STK39: variants seen among roughly 807,000 people sequenced by gnomAD.
STK39 encodes the protein serine/threonine kinase 39.
A neutral mutation model predicts 77.8 loss-of-function variants in STK39; 20 were observed. That is an observed-to-expected ratio of 0.26 (90% CI 0.18 to 0.37). STK39 has a LOEUF of 0.37. Ranked by LOEUF, STK39 falls within the 10% of genes least tolerant of loss-of-function variation. The probability of loss-of-function intolerance (pLI) is 1.00; values close to 1 mark genes in which losing one functional copy is unlikely to be tolerated. For missense variants in STK39, 479 were observed against 656.5 expected, an observed-to-expected ratio of 0.73 and a Z score of 2.95; for synonymous variants, 246 against 234.1, an observed-to-expected ratio of 1.05 and a Z score of -0.47.
Position 168,012,401 on chromosome 2 carries a change from G to A in STK39, c.1498+233C>T, listed in dbSNP as rs554243688. 3.3e-5 allele frequency among the ~76,000 whole-genome samples: 5 copies of A among 152,204 alleles called. No homozygotes were observed. In the East Asian group the frequency reaches 7.7e-4, roughly 24 times the overall value. ...TAGGCCATGCTGGCCTCTAACTCCTGACCTCAGGTGGTCCACCCACCTTGG... is the reference window on the plus strand; with the variant it reads ...TAGGCCATGCTGGCCTCTAACTCCTAACCTCAGGTGGTCCACCCACCTTGG... On this transcript the variant is annotated intron_variant, in intron 16 of 17. Coordinates refer to ENST00000355999, the MANE Select transcript of STK39 (RefSeq NM_013233.3).
intron 5 of STK39, among the ~76,000 whole-genome samples, chr2:168,161,032 G>T (rs13424012): frequency 0.28 from 42,242 of 151,778 alleles, 6,794 homozygotes; most frequent in East Asian, 0.56. Context: ...CTCATCTTAC[G>T]CGTCTCTGCA....
intron 10 of STK39, among the ~76,000 whole-genome samples, chr2:168,085,339 C>T (rs1042737206): frequency 4.6e-5 from 7 of 152,214 alleles, no homozygotes; most frequent in South Asian, 2.1e-4. Flanking sequence ...TGGCCACCCA[C>T]GCCTGGCTAG....
chr2:168,162,023 C>T (rs1483628996), intron 4 of STK39, among the ~76,000 whole-genome samples, 181 bp from the exon 5 acceptor site: 3 of 152,134 alleles, frequency 2.0e-5, no homozygotes, highest in South Asian at 2.1e-4. Context: ...CAGTGGCTCA[C>T]GCCTGTAATC....
intron 14 of STK39, among the ~76,000 whole-genome samples, chr2:168,021,778 A>C (rs1000613649): frequency 2.0e-5 from 2 of 98,934 alleles, no homozygotes; most frequent in Non-Finnish European, 4.0e-5. Context: ...AGAACTCAGA[A>C]AGGACATTTA....
intron 10 of STK39, among the ~76,000 whole-genome samples, chr2:168,122,112 G>A (rs1687423142): frequency 6.6e-6 from 1 of 152,158 alleles, no homozygotes; most frequent in Admixed American, 6.5e-5. Context: ...GCGGTTTGGT[G>A]TACAGATTAT....
intron 16 of STK39, among the ~76,000 whole-genome samples, chr2:168,009,706 A>G (rs1684221237): frequency 6.6e-6 from 1 of 152,210 alleles, no homozygotes; most frequent in African/African-American, 2.4e-5. Flanking sequence ...AGGCATTTTT[A>G]AGTGCTACTA....
rs547634690 is a variant in STK39 at position 167,980,701 on chromosome 2, T to C, written c.1499-15975A>G. Reference sequence around the variant, plus strand: ...GAGAGCTAAGCCTTTGTTTATGTTATGCGGCACTGCTCTGGGGAAGGACAT... The same window carrying C: ...GAGAGCTAAGCCTTTGTTTATGTTACGCGGCACTGCTCTGGGGAAGGACAT... On this transcript the variant is annotated intron_variant, in intron 16 of 17. Coordinates refer to ENST00000355999, the MANE Select transcript of STK39 (RefSeq NM_013233.3). 2.6e-5 allele frequency among the ~76,000 whole-genome samples: 4 copies of C among 151,268 alleles called. No individual in the cohort carries two copies. The South Asian group carries it at 8.4e-4, about 32-fold the overall frequency.
At chr2:168,026,482 T>C (rs545486686) in intron 14 of STK39, among the ~76,000 whole-genome samples, 6 of 152,330 alleles carry the variant, frequency 3.9e-5, no homozygotes, top group Admixed American at 6.5e-5. Context: ...GCTGGTTAAT[T>C]CATGCCATTC....
At chr2:167,969,654 C>T (rs545237678) in intron 16 of STK39, among the ~76,000 whole-genome samples, 11 of 152,276 alleles carry the variant, frequency 7.2e-5, no homozygotes, top group African/African-American at 2.2e-4. Flanking sequence ...TATCCACATA[C>T]GCAGAAACGA....
chr2:168,173,548 T>TATTTATATTTATTTATTC (rs1688880536), intron 2 of STK39, among the ~76,000 whole-genome samples: 1 of 119,084 alleles, frequency 8.4e-6, no homozygotes. Flanking sequence ...TTTTTTTATT[T>TATTTATATTTATTTATTC]ATATTTATAT....
chr2:168,160,243 A>G (rs1277327831), intron 5 of STK39, among the ~76,000 whole-genome samples: 2 of 152,248 alleles, frequency 1.3e-5, no homozygotes, highest in Admixed American at 1.3e-4. Flanking sequence ...ATTTCATCAT[A>G]AAACAGAAAA....
intron 10 of STK39, among the ~76,000 whole-genome samples, chr2:168,076,924 A>T (rs977939167): frequency 1.3e-5 from 2 of 152,194 alleles, no homozygotes; most frequent in Non-Finnish European, 2.9e-5. Flanking sequence ...TGCAGAACAG[A>T]TTGCTCATTT....
chr2:168,178,637 A>T (rs1467089227), intron 2 of STK39, among the ~76,000 whole-genome samples: 2 of 152,204 alleles, frequency 1.3e-5, no homozygotes, highest in African/African-American at 2.4e-5. Context: ...ATATTACAGT[A>T]CTCATTTCAA....
chr2:168,214,261 A>C (rs1480640006), intron 1 of STK39, among the ~76,000 whole-genome samples: 6 of 151,630 alleles, frequency 4.0e-5, no homozygotes, highest in African/African-American at 1.5e-4. Flanking sequence ...AACAACAAAA[A>C]AAAAACACAA....
chr2:168,170,068 T>C (rs1488231545), intron 2 of STK39, among the ~76,000 whole-genome samples: 1 of 152,194 alleles, frequency 6.6e-6, no homozygotes, highest in South Asian at 2.1e-4. Context: ...TGTAGCTCTG[T>C]CTTGAGATAT....
intron 10 of STK39, among the ~76,000 whole-genome samples, chr2:168,118,148 T>A (rs1163167012): frequency 6.6e-6 from 1 of 151,712 alleles, no homozygotes; most frequent in Non-Finnish European, 1.5e-5. Context: ...CATGGACAGA[T>A]GGAGGAGGAG....
chr2:167,955,650 T>A (rs1574341271), intron 17 of STK39, 80 bp from the exon 18 acceptor site: 2 of 1,426,560 alleles, frequency 1.4e-6, no homozygotes, highest in African/African-American at 2.8e-5. Flanking sequence ...TGATGGCAGA[T>A]CTAAGCAAAG....
chr2:168,086,706 G>A (rs1028704197), intron 10 of STK39, among the ~76,000 whole-genome samples: 4 of 152,098 alleles, frequency 2.6e-5, no homozygotes, highest in East Asian at 1.9e-4. Flanking sequence ...ATTTTCTAAC[G>A]GGAAGAGAAG....
At chr2:168,061,228 T>G (rs1219811513) in intron 14 of STK39, among the ~76,000 whole-genome samples, 1 of 147,292 alleles carries the variant, frequency 6.8e-6, no homozygotes, top group African/African-American at 2.5e-5. Flanking sequence ...AGGAGAAATA[T>G]AGAGTGTGGA....
Sources: allele counts gnomAD v4.1 joint callset (sites outside exome capture counted in the v4.1 genomes callset), GRCh38; gene constraint gnomAD v4.1.1; transcripts MANE v1.5; gene names NCBI Gene and HGNC (gene_info 2026-07-23, HGNC 2026-07-21).